The following HS6ST3 variants were observed in gnomAD, a reference collection of about 807,000 sequenced individuals.
HS6ST3 encodes heparan sulfate 6-O-sulfotransferase 3.
HS6ST3 carries 12 observed loss-of-function variants against 36.7 expected under a neutral mutation model. The ratio of observed to expected loss-of-function variants is 0.33; its 90% confidence interval spans 0.21 to 0.53. The LOEUF (loss-of-function observed/expected upper bound fraction) is 0.53, where lower values mean the gene tolerates loss of function less well. Ranked by LOEUF, HS6ST3 falls within the 20% of genes least tolerant of loss-of-function variation. The pLI is 0.95. For missense variants in HS6ST3, 584 were observed against 640.9 expected, an observed-to-expected ratio of 0.91 and a Z score of 0.96; for synonymous variants, 240 against 257.5, an observed-to-expected ratio of 0.93 and a Z score of 0.65.
chr13:96,219,871 A>T (rs543474507), intron 1 of HS6ST3, among the ~76,000 whole-genome samples: 16 of 152,184 alleles, frequency 1.1e-4, no homozygotes, highest in African/African-American at 3.9e-4. Context: ...TTTAGTAGAG[A>T]TGGGGTTTCA....
At chr13:96,242,858 C>T (rs1037338717) in intron 1 of HS6ST3, among the ~76,000 whole-genome samples, 1 of 152,324 alleles carries the variant, frequency 6.6e-6, no homozygotes, top group African/African-American at 2.4e-5. Flanking sequence ...ATTGAAATCA[C>T]TATCTCCAAA....
chr13:96,238,226 G>A (rs1391833338), intron 1 of HS6ST3, among the ~76,000 whole-genome samples: 1 of 152,016 alleles, frequency 6.6e-6, no homozygotes, highest in Non-Finnish European at 1.5e-5. Flanking sequence ...AAAATCTATG[G>A]CTTTGCCCTT....
At chr13:96,609,669 C>G (rs2138987737) in intron 1 of HS6ST3, among the ~76,000 whole-genome samples, 1 of 152,160 alleles carries the variant, frequency 6.6e-6, no homozygotes, top group Non-Finnish European at 1.5e-5. Flanking sequence ...GCCCTCTCAG[C>G]TAGAGTTATG....
At chr13:96,490,807 C>T (rs941258680) in intron 1 of HS6ST3, among the ~76,000 whole-genome samples, 6 of 152,200 alleles carry the variant, frequency 3.9e-5, no homozygotes, top group African/African-American at 7.2e-5. Flanking sequence ...GATAACCCCA[C>T]GCTCTGGTTC....
chr13:96,408,714 A>G (rs2055491321), intron 1 of HS6ST3, among the ~76,000 whole-genome samples: 1 of 152,072 alleles, frequency 6.6e-6, no homozygotes, highest in South Asian at 2.1e-4. Context: ...ACCTGAGGTC[A>G]GGAGTTTGAG....
At chr13:96,587,249 T>A (rs1184214220) in intron 1 of HS6ST3, among the ~76,000 whole-genome samples, 2 of 152,114 alleles carry the variant, frequency 1.3e-5, no homozygotes, top group African/African-American at 4.8e-5. Flanking sequence ...ATTTATTTAT[T>A]TTTTTTGCTC....
chr13:96,631,884 G>A (rs752644392), intron 1 of HS6ST3, among the ~76,000 whole-genome samples: 1 of 152,192 alleles, frequency 6.6e-6, no homozygotes, highest in Non-Finnish European at 1.5e-5. Flanking sequence ...CAATGCCAAA[G>A]CAGGGTGGGA....
At chr13:96,801,699 C>A (rs569404919) in intron 1 of HS6ST3, among the ~76,000 whole-genome samples, 1 of 152,164 alleles carries the variant, frequency 6.6e-6, no homozygotes, top group South Asian at 2.1e-4. Flanking sequence ...GAGTCAGGAT[C>A]CATCTCCACG....
chr13:96,279,256 A>G (rs1380733990), intron 1 of HS6ST3, among the ~76,000 whole-genome samples: 1 of 152,314 alleles, frequency 6.6e-6, no homozygotes, highest in East Asian at 1.9e-4. Context: ...TTTTCCTTTA[A>G]TCATTATGCT....
At chr13:96,380,785 A>G (rs747645314) in intron 1 of HS6ST3, among the ~76,000 whole-genome samples, 3 of 152,198 alleles carry the variant, frequency 2.0e-5, no homozygotes, top group African/African-American at 4.8e-5. Context: ...TTTTATGTTC[A>G]TTTGTTTCTT....
intron 1 of HS6ST3, among the ~76,000 whole-genome samples, chr13:96,603,719 T>C (rs1037642501): frequency 2.0e-5 from 3 of 152,198 alleles, no homozygotes; most frequent in African/African-American, 7.2e-5. Context: ...TTTAATGCAA[T>C]AATTTATACG....
At chr13:96,577,367 G>A (rs899125939) in intron 1 of HS6ST3, among the ~76,000 whole-genome samples, 1 of 152,150 alleles carries the variant, frequency 6.6e-6, no homozygotes, top group African/African-American at 2.4e-5. Flanking sequence ...TGGCTGCATA[G>A]TATTCCATGG....
At chr13:96,307,562 A>AT (rs538091349) in intron 1 of HS6ST3, among the ~76,000 whole-genome samples, 243 of 151,976 alleles carry the variant, frequency 1.6e-3, no homozygotes, top group African/African-American at 4.8e-3. Flanking sequence ...GTGTTTACTA[A>AT]TTTTTTTCTT....
rs56799403 is a variant in HS6ST3, at chr13:96,808,051, G to T, written c.708-24439G>T. The stretch of plus-strand genomic sequence containing the variant: ...CAGATGTACATACCTAAAATAACTT[G>T]GAATTTGTTTTGACTGGACGGTGCC... On this transcript the variant is annotated intron_variant, in intron 1 of 1. Transcript: ENST00000376705. Among the ~76,000 whole-genome samples, 1,071 of 152,132 alleles carry T rather than the reference G, an allele frequency of 7.0e-3. 16 individuals carry two copies. Among genetic ancestry groups the T allele is most frequent in the African/African-American group, 0.024 (998 of 41,500 alleles).
chr13:96,643,186 A>G (rs1247575271), intron 1 of HS6ST3, among the ~76,000 whole-genome samples: 2 of 151,904 alleles, frequency 1.3e-5, no homozygotes, highest in Non-Finnish European at 2.9e-5. Context: ...TTGGAAAGAG[A>G]CTTTTTTATA....
intron 1 of HS6ST3, among the ~76,000 whole-genome samples, chr13:96,200,792 T>C (rs1428430500): frequency 1.3e-5 from 2 of 152,196 alleles, no homozygotes; most frequent in Non-Finnish European, 2.9e-5. Context: ...GTATTCAGAA[T>C]GCCTCTCATT....
chr13:96,372,387 A>T (rs991376074), intron 1 of HS6ST3, among the ~76,000 whole-genome samples: 14 of 152,066 alleles, frequency 9.2e-5, no homozygotes, highest in Non-Finnish European at 1.6e-4. Flanking sequence ...CTAATTCCTT[A>T]TCAGATATAT....
chr13:96,791,305 G>T (rs556734748), intron 1 of HS6ST3, among the ~76,000 whole-genome samples: 1 of 151,888 alleles, frequency 6.6e-6, no homozygotes, highest in Non-Finnish European at 1.5e-5. Flanking sequence ...CTAATTTTCC[G>T]TTCTTCATGG....
At chr13:96,505,684 AT>A (rs2056023371) in intron 1 of HS6ST3, among the ~76,000 whole-genome samples, 1 of 152,168 alleles carries the variant, frequency 6.6e-6, no homozygotes, top group African/African-American at 2.4e-5. Flanking sequence ...ACTTCTAGTT[AT>A]TTGATGAAGG....
Sources: gnomAD v4.1 joint callset for allele counts (sites outside exome capture counted in the v4.1 genomes callset) on GRCh38, gnomAD v4.1.1 for gene constraint, MANE v1.5 for transcripts, NCBI Gene and HGNC (gene_info 2026-07-23, HGNC 2026-07-21) for gene names.